CTNNA3: variants seen among roughly 807,000 people sequenced by gnomAD.
CTNNA3 encodes catenin alpha-3.
CTNNA3 carries 76 observed loss-of-function variants against 95.7 expected under a neutral mutation model. That is an observed-to-expected ratio of 0.79 (90% confidence interval 0.66 to 0.96). CTNNA3 has a LOEUF of 0.96. Among genes scored for constraint, CTNNA3 ranks in the 40% least tolerant of loss-of-function variants. The pLI, the probability that CTNNA3 is intolerant of heterozygous loss-of-function variation, is 0.00. For missense variants in CTNNA3, 1,191 were observed against 1,089.8 expected (o/e 1.09, Z -1.31); for synonymous variants, 431 against 374.4 (o/e 1.15, Z -1.74).
chr10:66,558,350 C>G (rs146554372), intron 10 of CTNNA3, among the ~76,000 whole-genome samples: 1 of 152,084 alleles, frequency 6.6e-6, no homozygotes, highest in Non-Finnish European at 1.5e-5. Context: ...TTCTTTCCTA[C>G]TCTTGCCAAG....
chr10:66,823,477 G>A (rs1012659410), intron 7 of CTNNA3, among the ~76,000 whole-genome samples: 3 of 152,200 alleles, frequency 2.0e-5, no homozygotes, highest in Non-Finnish European at 4.4e-5. Flanking sequence ...ATGTAGAGTT[G>A]TGATGGGCTA....
intron 7 of CTNNA3, among the ~76,000 whole-genome samples, chr10:66,800,523 GA>G (rs895424977): frequency 2.0e-5 from 3 of 150,604 alleles, no homozygotes; most frequent in Non-Finnish European, 4.5e-5. Flanking sequence ...ACTTATCTAT[GA>G]AAAAAATACA....
At chr10:67,232,530 C>A (rs1007638956) in intron 5 of CTNNA3, among the ~76,000 whole-genome samples, 1 of 152,056 alleles carries the variant, frequency 6.6e-6, no homozygotes, top group African/African-American at 2.4e-5. Flanking sequence ...ATGGAAGGAA[C>A]AACTGGTACC....
At chr10:67,154,394 C>G (rs1861208867) in intron 7 of CTNNA3, among the ~76,000 whole-genome samples, 1 of 152,102 alleles carries the variant, frequency 6.6e-6, no homozygotes, top group Non-Finnish European at 1.5e-5. Context: ...GATAACATCT[C>G]ACAATTCAAC....
intron 12 of CTNNA3, among the ~76,000 whole-genome samples, chr10:66,332,411 A>ATACGTCCCATCAGTACC (rs547582871): frequency 6.8e-6 from 1 of 146,902 alleles, no homozygotes. Flanking sequence ...TTATTTTGAG[A>ATACGTCCCATCAGTACC]TAATTTATTG....
intron 15 of CTNNA3, among the ~76,000 whole-genome samples, chr10:66,005,445 T>G (rs867080691): frequency 8.5e-5 from 13 of 152,222 alleles, no homozygotes; most frequent in African/African-American, 3.1e-4. Context: ...ACCTATATTA[T>G]TCCAACTTCC....
rs1239773909 is a variant in CTNNA3, at chr10:67,193,219, AAT to A, written c.844-12701_844-12700del. ...ATAGATGGTAATTGGTATGTTAATT[AAT>A]ATGATTGGGGTAATCATTACACAAT... is the stretch of plus-strand genomic sequence containing the variant. On this transcript the variant is annotated intron_variant, in intron 6 of 17. Coordinates refer to ENST00000433211, the MANE Select transcript of CTNNA3 (RefSeq NM_013266.4). 2.0e-5 allele frequency among the ~76,000 whole-genome samples: 3 copies of A among 152,134 alleles called. No individual in the cohort carries two copies. In the East Asian group the frequency reaches 5.8e-4, roughly 29 times the overall value.
chr10:67,131,775 T>C (rs981479812), intron 7 of CTNNA3, among the ~76,000 whole-genome samples: 8 of 152,062 alleles, frequency 5.3e-5, no homozygotes, highest in African/African-American at 1.9e-4. Flanking sequence ...TGCAACAGCA[T>C]TAAACTCACT....
intron 12 of CTNNA3, among the ~76,000 whole-genome samples, chr10:66,363,903 T>A (rs2092693962): frequency 6.6e-6 from 1 of 152,166 alleles, no homozygotes; most frequent in Non-Finnish European, 1.5e-5. Context: ...CTATATATGC[T>A]ATTTAATGGA....
intron 5 of CTNNA3, among the ~76,000 whole-genome samples, chr10:67,511,084 G>A (rs531015381): frequency 1.3e-5 from 2 of 152,190 alleles, no homozygotes; most frequent in African/African-American, 2.4e-5. Flanking sequence ...AGCTTAAGGA[G>A]ATTTGGGGCT....
At chr10:67,748,902 T>C (rs922933933) in intron 1 of CTNNA3, among the ~76,000 whole-genome samples, 1 of 152,126 alleles carries the variant, frequency 6.6e-6, no homozygotes, top group Non-Finnish European at 1.5e-5. Flanking sequence ...ACATGACATG[T>C]CTTTGCACAT....
chr10:66,424,206 T>A (rs1178345889), intron 11 of CTNNA3, among the ~76,000 whole-genome samples: 1 of 152,050 alleles, frequency 6.6e-6, no homozygotes, highest in African/African-American at 2.4e-5. Flanking sequence ...TAAAAAAAAA[T>A]TATTCAGTCC....
At chr10:66,160,833 A>G (rs891761063) in intron 13 of CTNNA3, among the ~76,000 whole-genome samples, 1 of 152,118 alleles carries the variant, frequency 6.6e-6, no homozygotes, top group Non-Finnish European at 1.5e-5. Context: ...TAGGTCTATG[A>G]GTAATTGTTT....
Position 66,928,019 on chromosome 10 carries a change from G to T in CTNNA3, c.1048-152495C>A, listed in dbSNP as rs140333834. 4.3e-6 allele frequency: 7 copies of T among 1,614,134 alleles called. No individual in the cohort carries two copies. The Admixed American group carries it at 5.0e-5, about 12-fold the overall frequency. ...ATCTGTGGCAAAAGTACTACAGAGA[G>T]GTTTGATCTGGCCAGGGCTCTCCCA... is the stretch of plus-strand genomic sequence containing the variant. On this transcript the variant is annotated intron_variant, in intron 7 of 17. Coordinates refer to ENST00000433211, the MANE Select transcript of CTNNA3 (RefSeq NM_013266.4).
intron 7 of CTNNA3, among the ~76,000 whole-genome samples, chr10:66,988,059 T>C (rs1850833427): frequency 1.3e-5 from 2 of 152,156 alleles, no homozygotes; most frequent in African/African-American, 2.4e-5. Context: ...AATAATTTAT[T>C]ATTCTTTAGG....
At chr10:66,180,199 GTTAGTTCT>G (rs2085967414) in intron 13 of CTNNA3, among the ~76,000 whole-genome samples, 1 of 152,104 alleles carries the variant, frequency 6.6e-6, no homozygotes, top group South Asian at 2.1e-4. Flanking sequence ...AAAGATCACT[GTTAGTTCT>G]TTAGAAAACT....
At chr10:66,133,523 A>C (rs974764814) in intron 13 of CTNNA3, among the ~76,000 whole-genome samples, 12 of 151,646 alleles carry the variant, frequency 7.9e-5, no homozygotes, top group South Asian at 2.1e-4. Flanking sequence ...AAAAAAAAAA[A>C]CAAAAAACAA....
chr10:66,760,940 T>C (rs1839576085), intron 9 of CTNNA3, among the ~76,000 whole-genome samples: 1 of 152,174 alleles, frequency 6.6e-6, no homozygotes, highest in Non-Finnish European at 1.5e-5. Context: ...AGTTGTTGGT[T>C]TGTGTACAAG....
At chr10:67,355,598 G>A (rs1842781006) in intron 5 of CTNNA3, among the ~76,000 whole-genome samples, 1 of 151,098 alleles carries the variant, frequency 6.6e-6, no homozygotes, top group Non-Finnish European at 1.5e-5. Context: ...TCATTCCTGA[G>A]TAAATCAGCC....
Sources: allele counts gnomAD v4.1 joint callset (sites outside exome capture counted in the v4.1 genomes callset), GRCh38; gene constraint gnomAD v4.1.1; transcripts MANE v1.5; gene names NCBI Gene and HGNC (gene_info 2026-07-23, HGNC 2026-07-21).